ADK: variants seen among roughly 807,000 people sequenced by gnomAD.
ADK encodes the protein adenosine kinase.
Under a neutral mutation model 44.7 loss-of-function variants are expected in ADK, and 24 were observed. That is an observed-to-expected ratio of 0.54 (90% CI 0.39 to 0.76). The LOEUF (loss-of-function observed/expected upper bound fraction) is 0.76. Among genes scored for constraint, ADK ranks in the 30% least tolerant of loss-of-function variants. ADK has a pLI of 0.00. For missense variants in ADK, 321 were observed against 425.1 expected, an observed-to-expected ratio of 0.76 and a Z score of 2.15; for synonymous variants, 128 against 142.6, an observed-to-expected ratio of 0.90 and a Z score of 0.73.
chr10:74,180,307 G>A (rs1842493743), intron 1 of ADK, among the ~76,000 whole-genome samples: 1 of 150,300 alleles, frequency 6.7e-6, no homozygotes, highest in South Asian at 2.1e-4. Flanking sequence ...GCGCGATCTC[G>A]GCTCATTGCA....
At chr10:74,448,156 GAGTGAGACTCTGTCTCAA>G (rs1845648024) in intron 6 of ADK, among the ~76,000 whole-genome samples, 1 of 140,300 alleles carries the variant, frequency 7.1e-6, no homozygotes, top group Admixed American at 7.4e-5. Flanking sequence ...CTAGGCAACA[GAGTGAGACTCTGTCTCAA>G]AAAAATAAAT....
At position 74,558,466 on chromosome 10, in the gene ADK, G is replaced by A. The variant is rs149321083; in HGVS notation, c.727-30816G>A. ...TTTCCCCATGCTGTTCTCATGACAGGAGTAAATTCTCTCAAGATCTGATAG... is the reference window on the plus strand; with the variant it reads ...TTTCCCCATGCTGTTCTCATGACAGAAGTAAATTCTCTCAAGATCTGATAG... On this transcript the variant is annotated intron_variant, in intron 7 of 10. Coordinates refer to ENST00000539909, the MANE Select transcript of ADK (RefSeq NM_006721.4). Among the ~76,000 whole-genome samples the A allele has an allele frequency of 5.4e-3, 817 of 152,264 alleles. 5 individuals carry two copies. Among genetic ancestry groups the A allele is most frequent in the Non-Finnish European group, 8.2e-3 (561 of 68,022 alleles).
At chr10:74,306,713 T>G (rs1840263237) in intron 3 of ADK, among the ~76,000 whole-genome samples, 2 of 152,160 alleles carry the variant, frequency 1.3e-5, no homozygotes, top group Non-Finnish European at 2.9e-5. Flanking sequence ...TCAAAGTTGA[T>G]TTTTCAGTGT....
At chr10:74,232,915 C>T (rs1480488210) in intron 3 of ADK, among the ~76,000 whole-genome samples, 2 of 152,176 alleles carry the variant, frequency 1.3e-5, no homozygotes, top group African/African-American at 2.4e-5. Context: ...TAAGCCACCG[C>T]GTCTGGCCTA....
At chr10:74,278,761 C>T (rs943420730) in intron 3 of ADK, among the ~76,000 whole-genome samples, 2 of 152,186 alleles carry the variant, frequency 1.3e-5, no homozygotes, top group Admixed American at 6.5e-5. Context: ...CATCCTCTAA[C>T]TTGTGGCCTC....
intron 4 of ADK, among the ~76,000 whole-genome samples, chr10:74,315,540 C>G (rs1840588804): frequency 6.6e-6 from 1 of 152,128 alleles, no homozygotes; most frequent in African/African-American, 2.4e-5. Flanking sequence ...GTTTTACATA[C>G]CTCTGGTTCT....
chr10:74,286,862 T>C lies in ADK; in HGVS notation c.195-27805T>C, dbSNP rs111368800. 7.2e-5 allele frequency among the ~76,000 whole-genome samples: 11 copies of C among 152,230 alleles called. 1 individual carries two copies. The highest frequency in any genetic ancestry group is 2.2e-4 in the African/African-American group (9 of 41,524). On this transcript the variant is annotated intron_variant, in intron 3 of 10. Coordinates refer to ENST00000539909, the MANE Select transcript of ADK (RefSeq NM_006721.4). ...TTAATATTTAAAACAAATTTTTTTA[T>C]TTTTTAAGGAGACTGGGTCTCACTA...
At chr10:74,505,610 G>A (rs1027102971) in intron 6 of ADK, among the ~76,000 whole-genome samples, 3 of 148,428 alleles carry the variant, frequency 2.0e-5, no homozygotes, top group African/African-American at 5.0e-5. Context: ...ATACACCATT[G>A]GACACAGTTT....
intron 7 of ADK, among the ~76,000 whole-genome samples, chr10:74,541,783 A>T: frequency 1.3e-5 from 1 of 77,068 alleles, no homozygotes; most frequent in East Asian, 3.5e-4. Flanking sequence ...ACAGAACGAG[A>T]ACCCCCACAC....
chr10:74,351,309 A>G (rs1841956124), intron 4 of ADK, among the ~76,000 whole-genome samples: 1 of 152,204 alleles, frequency 6.6e-6, no homozygotes. Flanking sequence ...AACAGAACCA[A>G]TGACAAAAAC....
intron 7 of ADK, among the ~76,000 whole-genome samples, chr10:74,568,797 TTAAG>T (rs898262535): frequency 3.3e-5 from 5 of 151,918 alleles, no homozygotes; most frequent in African/African-American, 1.2e-4. Context: ...TTATTATACT[TTAAG>T]TTTTAGGGTA....
chr10:74,291,660 A>C (rs888772015), intron 3 of ADK, among the ~76,000 whole-genome samples: 7 of 151,368 alleles, frequency 4.6e-5, no homozygotes, highest in Admixed American at 6.6e-5. Context: ...TTTTTCAAAT[A>C]TTTTTATATT....
intron 6 of ADK, among the ~76,000 whole-genome samples, chr10:74,453,225 T>A (rs1413090278): frequency 6.6e-6 from 1 of 152,114 alleles, no homozygotes; most frequent in Non-Finnish European, 1.5e-5. Flanking sequence ...GTCCACCTAA[T>A]GAATGGCTAA....
chr10:74,395,972 T>C (rs726120), intron 5 of ADK, among the ~76,000 whole-genome samples: 98,637 of 151,992 alleles, frequency 0.65, 33,275 homozygotes, highest in Middle Eastern at 0.8. Flanking sequence ...GATTGTGCTA[T>C]TGCGCTCCAG....
intron 1 of ADK, among the ~76,000 whole-genome samples, chr10:74,191,275 G>A (rs888397917): frequency 1.3e-4 from 20 of 151,836 alleles, no homozygotes; most frequent in African/African-American, 3.6e-4. Flanking sequence ...CACTATGCCC[G>A]GCCCAAGTCT....
chr10:74,183,702 G>C (rs981670182), intron 1 of ADK, among the ~76,000 whole-genome samples: 5 of 151,604 alleles, frequency 3.3e-5, no homozygotes, highest in African/African-American at 1.2e-4. Flanking sequence ...TAGAGATGGG[G>C]TTTCTCCATG....
intron 3 of ADK, among the ~76,000 whole-genome samples, chr10:74,243,021 C>A (rs1270433074): frequency 6.6e-6 from 1 of 152,232 alleles, no homozygotes; most frequent in Admixed American, 6.5e-5. Context: ...AACTCAGAAC[C>A]CACGGAGTGC....
At chr10:74,308,860 GCT>G (rs144856572) in intron 3 of ADK, among the ~76,000 whole-genome samples, 117 of 150,772 alleles carry the variant, frequency 7.8e-4, no homozygotes, top group South Asian at 2.7e-3. Flanking sequence ...ATGCTCACTC[GCT>G]CTCTCTCTCT....
rs180965525 is a variant in ADK, at chr10:74,206,890, G to A, written c.140+6052G>A. ...CCAGCCAGAAGCCACTGTGGTTGGT[G>A]GAGCCTTTGCCTGAGGTTTGCTTGT... On this transcript the variant is annotated intron_variant, in intron 2 of 10. Coordinates refer to ENST00000539909, the MANE Select transcript of ADK (RefSeq NM_006721.4). Among the ~76,000 whole-genome samples the A allele has an allele frequency of 2.6e-5, 4 of 152,286 alleles. No individual in the cohort carries two copies. In the East Asian group the frequency reaches 7.7e-4, roughly 30 times the overall value.
Sources: gnomAD v4.1 joint callset for allele counts (sites outside exome capture counted in the v4.1 genomes callset) on GRCh38, gnomAD v4.1.1 for gene constraint, MANE v1.5 for transcripts, NCBI Gene and HGNC (gene_info 2026-07-23, HGNC 2026-07-21) for gene names.